The following VPS13B variants were observed in gnomAD, a reference collection of about 807,000 sequenced individuals.
The protein encoded by VPS13B is vacuolar protein sorting 13 homolog B.
Under a neutral mutation model 426.4 loss-of-function variants are expected in VPS13B, and 285 were observed. That is an observed-to-expected ratio of 0.67 (90% CI 0.61 to 0.74). The LOEUF (loss-of-function observed/expected upper bound fraction) is 0.74. VPS13B is among the 30% of genes least tolerant of loss of function. VPS13B has a pLI of 0.00. For missense variants in VPS13B, 4,537 were observed against 4,782.6 expected, an observed-to-expected ratio of 0.95 and a Z score of 1.51; for synonymous variants, 1,676 against 1,676.4, an observed-to-expected ratio of 1.00 and a Z score of 0.01.
intron 24 of VPS13B, among the ~76,000 whole-genome samples, chr8:99,479,839 A>G (rs1819945581): frequency 6.6e-6 from 1 of 152,208 alleles, no homozygotes; most frequent in Non-Finnish European, 1.5e-5. Context: ...TTTGCCTATT[A>G]CAAATAATGC....
intron 13 of VPS13B, among the ~76,000 whole-genome samples, chr8:99,144,430 A>G (rs1020423850): frequency 1.3e-5 from 2 of 150,394 alleles, no homozygotes; most frequent in Admixed American, 6.7e-5. Context: ...TTGAGGTTGC[A>G]GTGAGCTGTG....
intron 36 of VPS13B, among the ~76,000 whole-genome samples, chr8:99,701,067 G>C (rs1376595710): frequency 6.6e-6 from 1 of 152,118 alleles, no homozygotes; most frequent in Non-Finnish European, 1.5e-5. Flanking sequence ...GAAAGGAAAA[G>C]TTTTATAGTT....
At chr8:99,649,287 G>A (rs1829711676) in intron 34 of VPS13B, among the ~76,000 whole-genome samples, 1 of 151,998 alleles carries the variant, frequency 6.6e-6, no homozygotes, top group South Asian at 2.1e-4. Context: ...TCAAATTTGA[G>A]AACTTTTGGC....
At chr8:99,622,823 T>C (rs2133895683) in intron 33 of VPS13B, among the ~76,000 whole-genome samples, 1 of 152,320 alleles carries the variant, frequency 6.6e-6, no homozygotes, top group Admixed American at 6.5e-5. Flanking sequence ...TTGTATCTAA[T>C]CTGTCAGGAG....
rs545346992 is a variant in VPS13B, at chr8:99,610,220, C to A, written c.5221-31591C>A. Among the ~76,000 whole-genome samples, 6 of 152,234 alleles carry A rather than the reference C, an allele frequency of 3.9e-5. 1 individual carries two copies. The South Asian group carries it at 1.2e-3, about 32-fold the overall frequency. ...ATCTAGAACCAGAAATACCATTTGA[C>A]CCACCAATCCCATTACTGGGCAAAT... On this transcript the variant is annotated intron_variant, in intron 33 of 61. Transcript: ENST00000357162.
intron 3 of VPS13B, among the ~76,000 whole-genome samples, chr8:99,062,714 C>T (rs983388310): frequency 3.0e-4 from 45 of 152,142 alleles, no homozygotes; most frequent in African/African-American, 9.7e-4. Context: ...ATGATCCACC[C>T]GCCTTGTGGA....
At chr8:99,405,609 C>A (rs892582085) in intron 21 of VPS13B, among the ~76,000 whole-genome samples, 3 of 152,148 alleles carry the variant, frequency 2.0e-5, no homozygotes, top group African/African-American at 7.2e-5. Flanking sequence ...TCTCTCCCTG[C>A]TTAATCGCAG....
chr8:99,468,676 G>T (rs1819239498), intron 24 of VPS13B, among the ~76,000 whole-genome samples: 1 of 151,952 alleles, frequency 6.6e-6, no homozygotes, highest in African/African-American at 2.4e-5. Context: ...ATTGCACCCG[G>T]GAATAGCCAC....
At chr8:99,718,874 G>C (rs1265408309) in intron 37 of VPS13B, among the ~76,000 whole-genome samples, 1 of 151,860 alleles carries the variant, frequency 6.6e-6, no homozygotes, top group Non-Finnish European at 1.5e-5. Context: ...GCCCAGGCTG[G>C]TCTCAAACTC....
At chr8:99,094,140 A>G (rs1243493297) in intron 3 of VPS13B, 1 of 152,184 alleles carries the variant, frequency 6.6e-6, no homozygotes, top group Non-Finnish European at 1.5e-5. Flanking sequence ...TATATACAGT[A>G]TGTGATTTCA....
chr8:99,558,551 T>C (rs929232345), intron 31 of VPS13B, among the ~76,000 whole-genome samples: 6 of 152,144 alleles, frequency 3.9e-5, no homozygotes, highest in Non-Finnish European at 5.9e-5. Context: ...TAATGCTATC[T>C]CTCCCCCCTA....
intron 33 of VPS13B, among the ~76,000 whole-genome samples, chr8:99,593,564 C>A (rs965062022): frequency 1.1e-4 from 16 of 152,080 alleles, no homozygotes; most frequent in Admixed American, 7.9e-4. Flanking sequence ...TGGTTATATA[C>A]CCAAAGGAAT....
chr8:99,825,336 GT>G (rs921834057), intron 51 of VPS13B, among the ~76,000 whole-genome samples: 1 of 151,864 alleles, frequency 6.6e-6, no homozygotes, highest in Admixed American at 6.6e-5. Context: ...GTGATGATGA[GT>G]TTTTTTTCAG....
Position 99,642,158 on chromosome 8 carries a change from T to A in VPS13B, c.5568T>A (p.Asp1856Glu). The A allele has an allele frequency of 8.1e-6, 13 of 1,614,118 alleles. No individual in the cohort carries two copies. Among genetic ancestry groups the A allele is most frequent in the Non-Finnish European group, 1.1e-5 (13 of 1,180,018 alleles). ...GTTCATTAAATCTCCCAGAAGTTGA[T>A]TCAGATGTTGCTAAGCCCAACCAGG... ...DKSSLNLPEV[D>E]SDVAKPNQAC... is the part of the protein sequence containing the mutation. Residue 1856 changes from aspartate to glutamate, a missense_variant, in exon 34 of 62, where the codon GAT becomes GAA. Physicochemically the swap from Asp to Glu is conservative, Grantham distance 45 (BLOSUM62 2). Coordinates refer to ENST00000357162, the MANE Select transcript of VPS13B (RefSeq NM_152564.5).
chr8:99,249,810 G>A (rs567764334), intron 17 of VPS13B, among the ~76,000 whole-genome samples: 100 of 152,180 alleles, frequency 6.6e-4, no homozygotes, highest in Non-Finnish European at 1.1e-3. Context: ...GGAAGCTAAG[G>A]TGGGATGATT....
chr8:99,370,698 C>T (rs80287609), intron 19 of VPS13B, among the ~76,000 whole-genome samples: 3,370 of 149,962 alleles, frequency 0.022, 62 homozygotes, highest in Middle Eastern at 0.067. Context: ...CAACATCTGC[C>T]TCCAGAGTTC....
chr8:99,071,686 G>A (rs1034241445), intron 3 of VPS13B, among the ~76,000 whole-genome samples: 5 of 152,090 alleles, frequency 3.3e-5, no homozygotes, highest in Admixed American at 1.3e-4. Context: ...GCCCAGGGTG[G>A]GTCTAGAAAT....
chr8:99,538,976 G>T (rs1823408263), intron 30 of VPS13B, among the ~76,000 whole-genome samples: 1 of 152,148 alleles, frequency 6.6e-6, no homozygotes, highest in South Asian at 2.1e-4. Flanking sequence ...AGAACTCACA[G>T]AATTTTTTAT....
At chr8:99,575,177 A>G (rs1269548905) in intron 31 of VPS13B, among the ~76,000 whole-genome samples, 1 of 152,044 alleles carries the variant, frequency 6.6e-6, no homozygotes, top group Non-Finnish European at 1.5e-5. Context: ...AAAAAAAATG[A>G]ATTAACATTG....
Sources: allele counts gnomAD v4.1 joint callset (sites outside exome capture counted in the v4.1 genomes callset), GRCh38; gene constraint gnomAD v4.1.1; transcripts MANE v1.5; gene names NCBI Gene and HGNC (gene_info 2026-07-23, HGNC 2026-07-21).